Variants in PACRG observed in about 807,000 individuals in gnomAD.
PACRG encodes parkin coregulated, also known as parkin coregulated gene protein.
Under a neutral mutation model 29.7 loss-of-function variants are expected in PACRG, and 29 were observed. That is an observed-to-expected ratio of 0.98 (90% confidence interval 0.73 to 1.33). The LOEUF (loss-of-function observed/expected upper bound fraction) is 1.33. PACRG is among the 40% of genes most tolerant of loss of function. The pLI, the probability that PACRG is intolerant of heterozygous loss-of-function variation, is 0.00. For synonymous variants in PACRG, 116 were observed against 118.7 expected (o/e 0.98, Z 0.15); for missense variants, 279 against 316.2 (o/e 0.88, Z 0.89).
intron 4 of PACRG, among the ~76,000 whole-genome samples, chr6:163,198,276 G>A (rs1487887088): frequency 6.6e-6 from 1 of 152,160 alleles, no homozygotes; most frequent in Non-Finnish European, 1.5e-5. Context: ...CTAATATAAT[G>A]AGTCAAGATA....
At chr6:162,989,671 C>T (rs1233398619) in intron 2 of PACRG, among the ~76,000 whole-genome samples, 1 of 151,330 alleles carries the variant, frequency 6.6e-6, no homozygotes, top group Non-Finnish European at 1.5e-5. Flanking sequence ...TGGATTGAAT[C>T]CACAGATTGA....
intron 4 of PACRG, among the ~76,000 whole-genome samples, chr6:163,273,154 A>G (rs1783904252): frequency 6.6e-6 from 1 of 151,766 alleles, no homozygotes; most frequent in African/African-American, 2.4e-5. Flanking sequence ...CGGCCTCCCA[A>G]AGTGCTGGGA....
rs559949939 is a variant in PACRG, at chr6:163,045,747, C to T, written c.292-16403C>T. 1.2e-3 allele frequency among the ~76,000 whole-genome samples: 176 copies of T among 151,828 alleles called. 2 individuals carry two copies. The South Asian group carries it at 0.018, about 15-fold the overall frequency. On this transcript the variant is annotated intron_variant, in intron 2 of 4. Coordinates refer to ENST00000366888, the MANE Select transcript of PACRG (RefSeq NM_001080379.2). ...AAGCGATTCTCCTGCCTCAGCCTCC[C>T]GAGTAGCTGGGACTACAGGCGTGCG... is the stretch of plus-strand genomic sequence containing the variant.
At chr6:163,113,277 A>G (rs1387584779) in intron 4 of PACRG, among the ~76,000 whole-genome samples, 2 of 152,232 alleles carry the variant, frequency 1.3e-5, no homozygotes, top group Admixed American at 6.5e-5. Flanking sequence ...AAAGTGGACC[A>G]GCATGTTCAT....
chr6:162,909,459 G>T (rs1182329852), intron 2 of PACRG, among the ~76,000 whole-genome samples: 1 of 150,738 alleles, frequency 6.6e-6, no homozygotes, highest in African/African-American at 2.5e-5. Context: ...GGAGGCTGAG[G>T]CAGGAGAATG....
intron 4 of PACRG, among the ~76,000 whole-genome samples, chr6:163,140,298 G>A (rs117437881): frequency 1.1e-3 from 175 of 152,282 alleles, no homozygotes; most frequent in Non-Finnish European, 1.8e-3. Flanking sequence ...GAAGCCTCAG[G>A]CCTCCTGAGA....
chr6:163,049,449 T>A (rs1270968877), intron 2 of PACRG, among the ~76,000 whole-genome samples: 5 of 152,046 alleles, frequency 3.3e-5, no homozygotes, highest in African/African-American at 1.2e-4. Context: ...TGCTACACAA[T>A]GGGGGAAATA....
chr6:162,947,496 C>CAT (rs1250082850), intron 2 of PACRG, among the ~76,000 whole-genome samples: 3 of 114,478 alleles, frequency 2.6e-5, no homozygotes, highest in Non-Finnish European at 3.5e-5. Context: ...TATATATACT[C>CAT]ATATATATAT....
intron 2 of PACRG, among the ~76,000 whole-genome samples, chr6:162,947,612 A>ATATATATATATAAT (rs1799284010): frequency 1.7e-4 from 1 of 5,916 alleles, no homozygotes; most frequent in Non-Finnish European, 4.1e-4. Flanking sequence ...ATATATAATC[A>ATATATATATATAAT]TATATATATA....
intron 2 of PACRG, among the ~76,000 whole-genome samples, chr6:162,846,538 C>T (rs1450346206): frequency 6.6e-6 from 1 of 152,200 alleles, no homozygotes; most frequent in Non-Finnish European, 1.5e-5. Flanking sequence ...TTTGGTCTCT[C>T]CCATCTCTCT....
At chr6:162,852,822 A>G (rs568622803) in intron 2 of PACRG, among the ~76,000 whole-genome samples, 5 of 152,354 alleles carry the variant, frequency 3.3e-5, no homozygotes, top group African/African-American at 9.6e-5. Context: ...GCCAACAATC[A>G]CATAGCAATT....
At chr6:162,809,806 A>G (rs1290705347) in intron 1 of PACRG, among the ~76,000 whole-genome samples, 1 of 152,178 alleles carries the variant, frequency 6.6e-6, no homozygotes, top group Non-Finnish European at 1.5e-5. Flanking sequence ...TTAGTGGATG[A>G]TTAGCAAACA....
intron 3 of PACRG, among the ~76,000 whole-genome samples, chr6:163,080,558 G>A (rs1289176611): frequency 6.6e-6 from 1 of 152,200 alleles, no homozygotes; most frequent in African/African-American, 2.4e-5. Flanking sequence ...AATAGATCAT[G>A]CTAGGGACTG....
intron 2 of PACRG, among the ~76,000 whole-genome samples, chr6:162,888,537 C>A (rs1794529471): frequency 6.6e-6 from 1 of 152,164 alleles, no homozygotes; most frequent in Non-Finnish European, 1.5e-5. Flanking sequence ...CATTTGGACT[C>A]TCTCTCCCTG....
intron 4 of PACRG, among the ~76,000 whole-genome samples, chr6:163,269,985 AAGAAAGAAAG>A (rs1783757211): frequency 8.2e-6 from 1 of 122,018 alleles, no homozygotes; most frequent in Non-Finnish European, 1.8e-5. Flanking sequence ...GAAAGAAAGA[AAGAAAGAAAG>A]AAAGAAAGAA....
At chr6:162,925,833 G>T (rs917410969) in intron 2 of PACRG, among the ~76,000 whole-genome samples, 1 of 152,040 alleles carries the variant, frequency 6.6e-6, no homozygotes. Context: ...AGAAATCAAG[G>T]TATTCAAATA....
At chr6:163,210,915 A>G (rs553186572) in intron 4 of PACRG, among the ~76,000 whole-genome samples, 65 of 152,342 alleles carry the variant, frequency 4.3e-4, no homozygotes, top group African/African-American at 1.5e-3. Flanking sequence ...GGTTGGTTTT[A>G]TGCCCTATTT....
chr6:163,177,737 T>TTTTTTTTTTTG (rs1779447560), intron 4 of PACRG, among the ~76,000 whole-genome samples: 1 of 141,814 alleles, frequency 7.1e-6, no homozygotes, highest in African/African-American at 2.7e-5. Flanking sequence ...TTTTTTTTTT[T>TTTTTTTTTTTG]GCGGGTGGGA....
intron 4 of PACRG, chr6:163,183,046 A>C (rs191152068): frequency 2.0e-5 from 3 of 152,392 alleles, no homozygotes. Context: ...TCCAGGTTGC[A>C]TGAGCAACAA....
Sources: gnomAD v4.1 joint callset for allele counts (sites outside exome capture counted in the v4.1 genomes callset) on GRCh38, gnomAD v4.1.1 for gene constraint, MANE v1.5 for transcripts, NCBI Gene and HGNC (gene_info 2026-07-23, HGNC 2026-07-21) for gene names.